CYB5B: variants seen among roughly 807,000 people sequenced by gnomAD.
CYB5B encodes cytochrome b5 type B.
Under a neutral mutation model 21.3 loss-of-function variants are expected in CYB5B, and 14 were observed. That is an observed-to-expected ratio of 0.66 (90% CI 0.43 to 1.03). The LOEUF (loss-of-function observed/expected upper bound fraction) is 1.03. Ranked by LOEUF, CYB5B falls within the 50% of genes least tolerant of loss-of-function variation. The probability of loss-of-function intolerance (pLI) is 0.00; values close to 1 mark genes in which losing one functional copy is unlikely to be tolerated. For synonymous variants in CYB5B, 69 were observed against 68.4 expected (o/e 1.01, Z -0.04); for missense variants, 166 against 185.1 (o/e 0.90, Z 0.60).
At chr16:69,461,957 G>C (rs1392162004) in intron 4 of CYB5B, among the ~76,000 whole-genome samples, 1 of 152,090 alleles carries the variant, frequency 6.6e-6, no homozygotes, top group Non-Finnish European at 1.5e-5. Flanking sequence ...AAGCAGATAG[G>C]ATATTTCTGG....
At chr16:69,432,523 A>G (rs1173390308) in intron 1 of CYB5B, among the ~76,000 whole-genome samples, 2 of 152,258 alleles carry the variant, frequency 1.3e-5, no homozygotes, top group Non-Finnish European at 2.9e-5. Flanking sequence ...ATATACTTAT[A>G]TGTGCAAACA....
chr16:69,461,202 C>CA (rs548563223), intron 4 of CYB5B, among the ~76,000 whole-genome samples: 33,428 of 123,476 alleles, frequency 0.27, 3,977 homozygotes, highest in South Asian at 0.42. Context: ...GACTCCGTCT[C>CA]AAAAAAAAAA....
chr16:69,452,330 AAAAAG>A, intron 3 of CYB5B, among the ~76,000 whole-genome samples: 2 of 151,772 alleles, frequency 1.3e-5, no homozygotes, highest in Non-Finnish European at 1.5e-5. Flanking sequence ...AAAAAAAAAA[AAAAAG>A]GTAAAAAGCC....
intron 3 of CYB5B, among the ~76,000 whole-genome samples, chr16:69,454,110 T>C (rs901443360): frequency 2.6e-5 from 4 of 152,330 alleles, no homozygotes; most frequent in South Asian, 4.1e-4. Flanking sequence ...ATTTTTCACT[T>C]CTTAAGTCCT....
At chr16:69,446,499 T>C (rs2014879917) in intron 1 of CYB5B, among the ~76,000 whole-genome samples, 1 of 152,170 alleles carries the variant, frequency 6.6e-6, no homozygotes. Context: ...GCACTTTTTG[T>C]ATTTTTAGTA....
In CYB5B at chr16:69,462,790, T is replaced by G. The variant is rs1223396636; in HGVS notation, c.*270T>G. The G allele has an allele frequency of 5.4e-6, 2 of 370,640 alleles. No homozygotes were observed. 23.0% of individuals were successfully genotyped at this position (370,640 alleles called of 1,614,324 possible). On this transcript the variant is annotated 3_prime_UTR_variant, in exon 5 of 5. Transcript: ENST00000307892. ...TGGTTTCCATGAGTACCCTTATATT[T>G]CACAACTTTCTGTTCATAAGTTATA...
intron 1 of CYB5B, among the ~76,000 whole-genome samples, chr16:69,445,944 G>A (rs1236902193): frequency 2.0e-5 from 3 of 151,546 alleles, no homozygotes; most frequent in Admixed American, 6.6e-5. Flanking sequence ...CAACAAGAGC[G>A]AAACTCCATC....
Position 69,463,182 on chromosome 16 carries a change from G to T in CYB5B, c.*662G>T, listed in dbSNP as rs767791987. ...AACTTAAAACTGCCAAATGATTTTT[G>T]TTCTTTTATGTGCGTGATAAAAATA... On this transcript the variant is annotated 3_prime_UTR_variant, in exon 5 of 5. Transcript: ENST00000307892. 6.6e-6 allele frequency: 1 copy of T among 152,100 alleles called. No homozygotes were observed. Among genetic ancestry groups the T allele is most frequent in the Non-Finnish European group, 1.5e-5 (1 of 68,008 alleles). 9.4% of individuals were successfully genotyped at this position (152,100 alleles called of 1,614,324 possible).
intron 1 of CYB5B, among the ~76,000 whole-genome samples, chr16:69,430,690 T>G (rs2014696814): frequency 8.0e-6 from 1 of 124,236 alleles, no homozygotes; most frequent in Admixed American, 8.1e-5. Flanking sequence ...TTTTTTTTTT[T>G]GAGACAGAGT....
At chr16:69,444,676 AG>A (rs1426466692) in intron 1 of CYB5B, among the ~76,000 whole-genome samples, 3 of 152,132 alleles carry the variant, frequency 2.0e-5, no homozygotes, top group Non-Finnish European at 4.4e-5. Flanking sequence ...AAAAAAAAAA[AG>A]AAGCAGGCTA....
chr16:69,440,561 T>A (rs1484952161), intron 1 of CYB5B, among the ~76,000 whole-genome samples: 2 of 152,190 alleles, frequency 1.3e-5, no homozygotes, highest in Non-Finnish European at 2.9e-5. Context: ...TGTGTCTGGT[T>A]TCTTCAGTTC....
At chr16:69,432,512 C>A (rs1228408884) in intron 1 of CYB5B, among the ~76,000 whole-genome samples, 1 of 152,148 alleles carries the variant, frequency 6.6e-6, no homozygotes, top group Non-Finnish European at 1.5e-5. Flanking sequence ...ATCTTCCGTG[C>A]ATATACTTAT....
At chr16:69,435,430 C>T (rs923068033) in intron 1 of CYB5B, among the ~76,000 whole-genome samples, 6 of 152,082 alleles carry the variant, frequency 3.9e-5, no homozygotes, top group African/African-American at 1.4e-4. Flanking sequence ...CTTGGATTTG[C>T]AGGGAAGATC....
chr16:69,464,382 T>C lies in CYB5B; in HGVS notation c.*1862T>C, dbSNP rs2015066064. 1 of 152,172 alleles carries C rather than the reference T, an allele frequency of 6.6e-6. No homozygotes were observed. Among genetic ancestry groups the C allele is most frequent in the Non-Finnish European group, 1.5e-5 (1 of 68,016 alleles). The allele number at this position is 152,172 out of a possible 1,614,324, so 9.4% of individuals were successfully genotyped here. On this transcript the variant is annotated 3_prime_UTR_variant, in exon 5 of 5. Transcript: ENST00000307892. ...ATAAGATGCTACTTTTAAGACAATA[T>C]TGAAAAAAACTTTGGTTATTATTTA...
At chr16:69,432,283 C>T (rs2014713756) in intron 1 of CYB5B, among the ~76,000 whole-genome samples, 1 of 152,092 alleles carries the variant, frequency 6.6e-6, no homozygotes, top group Non-Finnish European at 1.5e-5. Context: ...TTGACTTTAC[C>T]ATGGTGTGAA....
chr16:69,435,578 T>C (rs2142812233), intron 1 of CYB5B, among the ~76,000 whole-genome samples: 1 of 152,288 alleles, frequency 6.6e-6, no homozygotes, highest in East Asian at 1.9e-4. Flanking sequence ...CCAAGGCTGG[T>C]CAAAAGAAAG....
Position 69,424,664 on chromosome 16 carries a change from G to A in CYB5B, c.-20G>A. 1 of 1,516,788 alleles carries A rather than the reference G, an allele frequency of 6.6e-7. No individual in the cohort carries two copies. The highest frequency in any genetic ancestry group is 8.9e-7 in the Non-Finnish European group (1 of 1,129,628). 94.0% of individuals were successfully genotyped at this position (1,516,788 alleles called of 1,614,324 possible). A position where few individuals can be genotyped will look rare whatever the true frequency, so the allele number is the denominator to read the frequency against. On this transcript the variant is annotated 5_prime_UTR_variant, in exon 1 of 5. Coordinates refer to ENST00000307892, the MANE Select transcript of CYB5B (RefSeq NM_030579.3). Reference sequence around the variant, plus strand: ...CAAGGAAAGTAGTCGCGGAATCTCAGTTAGCGGTGGAGAGGCAGTATGTCC... The same window carrying A: ...CAAGGAAAGTAGTCGCGGAATCTCAATTAGCGGTGGAGAGGCAGTATGTCC...
At chr16:69,451,143 C>T (rs2014927058) in intron 3 of CYB5B, among the ~76,000 whole-genome samples, 1 of 152,132 alleles carries the variant, frequency 6.6e-6, no homozygotes, top group Non-Finnish European at 1.5e-5. Context: ...AAATAACTAA[C>T]TAGAATTAAA....
chr16:69,462,354 CAT>C (rs964226578), intron 4 of CYB5B, 74 bp from the exon 5 acceptor site: 5 of 1,205,986 alleles, frequency 4.1e-6, no homozygotes, highest in East Asian at 4.7e-5. Flanking sequence ...TATATAAAAA[CAT>C]GTGAAAGCTG....
Sources: gnomAD v4.1 joint callset for allele counts (sites outside exome capture counted in the v4.1 genomes callset) on GRCh38, gnomAD v4.1.1 for gene constraint, MANE v1.5 for transcripts, NCBI Gene and HGNC (gene_info 2026-07-23, HGNC 2026-07-21) for gene names.